MEGF11: variants seen among roughly 807,000 people sequenced by gnomAD.
MEGF11 encodes multiple EGF like domains 11.
MEGF11 carries 126 observed loss-of-function variants against 146.6 expected under a neutral mutation model. The ratio of observed to expected loss-of-function variants is 0.86; its 90% confidence interval spans 0.74 to 1.00. The LOEUF (loss-of-function observed/expected upper bound fraction) is 1.00, where lower values mean the gene tolerates loss of function less well. MEGF11 is among the 50% of genes least tolerant of loss of function. The probability of loss-of-function intolerance (pLI) is 0.00; values close to 1 mark genes in which losing one functional copy is unlikely to be tolerated. For missense variants in MEGF11, 1,509 were observed against 1,521.2 expected (o/e 0.99, Z 0.13); for synonymous variants, 532 against 583.4 (o/e 0.91, Z 1.27).
intron 1 of MEGF11, among the ~76,000 whole-genome samples, chr15:66,155,727 C>T (rs2089731487): frequency 6.6e-6 from 1 of 152,202 alleles, no homozygotes; most frequent in Admixed American, 6.5e-5. Context: ...CTTGATTTTT[C>T]TCTTTATCTC....
intron 10 of MEGF11, among the ~76,000 whole-genome samples, chr15:65,948,898 C>G (rs73479402): frequency 6.6e-6 from 1 of 152,102 alleles, no homozygotes; most frequent in Non-Finnish European, 1.5e-5. Flanking sequence ...CTCCTCTGTT[C>G]GCACAGGCAT....
At chr15:66,205,350 G>A (rs1365192311) in intron 1 of MEGF11, among the ~76,000 whole-genome samples, 1 of 152,084 alleles carries the variant, frequency 6.6e-6, no homozygotes, top group Non-Finnish European at 1.5e-5. Context: ...AGGCTGAGGT[G>A]GGAGGATCAC....
intron 1 of MEGF11, among the ~76,000 whole-genome samples, chr15:66,141,245 T>G (rs1477594720): frequency 1.9e-4 from 19 of 100,696 alleles, no homozygotes; most frequent in Non-Finnish European, 3.3e-4. Context: ...TGTGTGTGTG[T>G]GTGTGTGTGT....
At chr15:66,008,224 A>G (rs384141) in intron 5 of MEGF11, among the ~76,000 whole-genome samples, 147,126 of 152,222 alleles carry the variant, frequency 0.97, 71,306 homozygotes, top group Middle Eastern at 1. Flanking sequence ...GATATACAAA[A>G]GTAGAGATGT....
intron 1 of MEGF11, among the ~76,000 whole-genome samples, chr15:66,235,492 ACT>A (rs1444686356): frequency 7.5e-6 from 1 of 132,616 alleles, no homozygotes; most frequent in East Asian, 2.2e-4. Context: ...ACAAAATAAG[ACT>A]CTGTCTCAAA....
At chr15:66,210,396 A>G (rs774858225) in intron 1 of MEGF11, among the ~76,000 whole-genome samples, 3 of 152,130 alleles carry the variant, frequency 2.0e-5, no homozygotes, top group Non-Finnish European at 4.4e-5. Context: ...GTCTCACTCT[A>G]GTCCCAGCCT....
At chr15:66,218,998 C>CAAAAAAAAAAAAAAAAAAAAAA in intron 1 of MEGF11, among the ~76,000 whole-genome samples, 2 of 45,636 alleles carry the variant, frequency 4.4e-5, no homozygotes, top group African/African-American at 2.7e-4. Flanking sequence ...AAAAAAAAAC[C>CAAAAAAAAAAAAAAAAAAAAAA]TTAACCTAAA....
At chr15:66,100,585 C>T (rs1444451308) in intron 4 of MEGF11, among the ~76,000 whole-genome samples, 2 of 152,138 alleles carry the variant, frequency 1.3e-5, no homozygotes, top group African/African-American at 4.8e-5. Context: ...TCCCTTACCT[C>T]ACACATTCAT....
At chr15:66,243,200 T>A (rs1196051463) in intron 1 of MEGF11, among the ~76,000 whole-genome samples, 2 of 152,200 alleles carry the variant, frequency 1.3e-5, no homozygotes, top group East Asian at 1.9e-4. Context: ...GAGAAGCTGA[T>A]TCCTGAGGCT....
At chr15:66,073,786 C>A (rs1202229034) in intron 5 of MEGF11, among the ~76,000 whole-genome samples, 2 of 152,214 alleles carry the variant, frequency 1.3e-5, no homozygotes, top group Non-Finnish European at 2.9e-5. Context: ...GCCCAACCCA[C>A]ACCTCACACC....
At chr15:65,999,544 C>G (rs1295153279) in intron 5 of MEGF11, among the ~76,000 whole-genome samples, 2 of 152,160 alleles carry the variant, frequency 1.3e-5, no homozygotes, top group African/African-American at 4.8e-5. Flanking sequence ...TGGAATCACA[C>G]AGACCTGGGT....
intron 1 of MEGF11, among the ~76,000 whole-genome samples, chr15:66,236,648 G>A (rs998028742): frequency 1.3e-5 from 2 of 152,160 alleles, no homozygotes; most frequent in Non-Finnish European, 2.9e-5. Flanking sequence ...CTGGAGGGAA[G>A]AACAGCAGCT....
At chr15:65,927,034 A>T (rs541032428) in intron 13 of MEGF11, among the ~76,000 whole-genome samples, 1 of 152,280 alleles carries the variant, frequency 6.6e-6, no homozygotes, top group African/African-American at 2.4e-5. Context: ...ACCTGGTGTT[A>T]ATTATTTATC....
chr15:65,991,959 A>G (rs925330792), intron 5 of MEGF11, among the ~76,000 whole-genome samples: 6 of 152,226 alleles, frequency 3.9e-5, no homozygotes, highest in Non-Finnish European at 8.8e-5. Context: ...CAGACAAGCA[A>G]ATGGGAAACT....
chr15:66,010,058 T>C (rs1181720969), intron 5 of MEGF11, among the ~76,000 whole-genome samples: 2 of 151,332 alleles, frequency 1.3e-5, no homozygotes, highest in African/African-American at 4.9e-5. Context: ...CAAACCAGCA[T>C]AATCCAATAG....
rs745545638 is a variant in MEGF11, at chr15:66,160,705, A to ACACACACC, written c.-8-32295_-8-32294insGGTGTGTG. Among the ~76,000 whole-genome samples the ACACACACC allele has an allele frequency of 4.8e-5, 7 of 145,050 alleles. No homozygotes were observed. The East Asian group carries it at 1.2e-3, about 25-fold the overall frequency. ...CACACACACACACACACACACACAC[A>ACACACACC]CCCTTGCCCTAGGAATTTATTCCTG... is the stretch of plus-strand genomic sequence containing the variant. On this transcript the variant is annotated intron_variant, in intron 1 of 25. Coordinates refer to ENST00000395614, the MANE Select transcript of MEGF11 (RefSeq NM_001385028.1).
At position 65,957,546 on chromosome 15, in the gene MEGF11, C is replaced by T. The variant is rs2080699816; in HGVS notation, c.1287+1G>A. 1 of 1,612,474 alleles carries T rather than the reference C, an allele frequency of 6.2e-7. No homozygotes were observed. Among genetic ancestry groups the T allele is most frequent in the Non-Finnish European group, 8.5e-7 (1 of 1,179,406 alleles). ...GCCACGGGAGGCCCCTCCCATCTTA[C>T]CATGAAGCCCGGAGCACAAGTGCAG... On this transcript the variant is annotated splice_donor_variant, in intron 10 of 25. Transcript: ENST00000395614. LOFTEE classifies it high-confidence loss of function.
intron 1 of MEGF11, among the ~76,000 whole-genome samples, chr15:66,146,512 C>T (rs1312308751): frequency 1.3e-5 from 2 of 152,266 alleles, no homozygotes; most frequent in African/African-American, 4.8e-5. Context: ...GTTTTTCATT[C>T]CCAATAAGAC....
intron 1 of MEGF11, among the ~76,000 whole-genome samples, chr15:66,227,335 G>A (rs772472392): frequency 9.9e-5 from 15 of 152,226 alleles, no homozygotes; most frequent in Non-Finnish European, 1.9e-4. Context: ...TGCCTGCCAC[G>A]TAGTAAGCCC....
Sources: gnomAD v4.1 joint callset for allele counts (sites outside exome capture counted in the v4.1 genomes callset) on GRCh38, gnomAD v4.1.1 for gene constraint, MANE v1.5 for transcripts, NCBI Gene and HGNC (gene_info 2026-07-23, HGNC 2026-07-21) for gene names.